CBLL1: variants seen among roughly 807,000 people sequenced by gnomAD.
CBLL1 encodes the protein Cbl proto-oncogene like 1, also known as E3 ubiquitin-protein ligase Hakai.
In CBLL1, 4 loss-of-function variants were observed where a neutral mutation model predicts 44.9. That is an observed-to-expected ratio of 0.09 (90% CI 0.04 to 0.20). The LOEUF is 0.20. Ranked by LOEUF, CBLL1 falls within the 10% of genes least tolerant of loss-of-function variation. The probability of loss-of-function intolerance (pLI) is 1.00; values close to 1 mark genes in which losing one functional copy is unlikely to be tolerated. For missense variants in CBLL1, 569 were observed against 636.7 expected (o/e 0.89, Z 1.14); for synonymous variants, 235 against 202.2 (o/e 1.16, Z -1.38).
chr7:107,751,625 T>C (rs1449898398), intron 2 of CBLL1, among the ~76,000 whole-genome samples: 3 of 152,220 alleles, frequency 2.0e-5, no homozygotes, highest in African/African-American at 4.8e-5. Context: ...TTAGGGTCAC[T>C]CCTGCTTTGG....
chr7:107,757,307 T>TA (rs1489776952), intron 5 of CBLL1, among the ~76,000 whole-genome samples: 1 of 152,224 alleles, frequency 6.6e-6, no homozygotes, highest in Non-Finnish European at 1.5e-5. Context: ...AGTAGGTAGA[T>TA]ACTTTAACCT....
At chr7:107,754,516 GA>G (rs201099123) in intron 4 of CBLL1, among the ~76,000 whole-genome samples, 12 of 148,840 alleles carry the variant, frequency 8.1e-5, no homozygotes, top group South Asian at 4.2e-4. Context: ...TTTGCCTTTA[GA>G]AAAAAAAAAT....
At chr7:107,756,589 A>C (rs1314515903) in intron 5 of CBLL1, among the ~76,000 whole-genome samples, 2 of 152,170 alleles carry the variant, frequency 1.3e-5, no homozygotes, top group Non-Finnish European at 2.9e-5. Flanking sequence ...GTTACATAGT[A>C]AATTTAATTG....
chr7:107,744,143 C>T lies in CBLL1; in HGVS notation c.-21C>T, dbSNP rs1463706331. 7.1e-6 allele frequency: 11 copies of T among 1,552,254 alleles called. No individual in the cohort carries two copies. Among genetic ancestry groups the T allele is most frequent in the Non-Finnish European group, 8.7e-6 (10 of 1,147,718 alleles). ...CCGGCGCGGTTGACTTCCGCTCCCACTGTGCTCTGCGAGCCGAATCATGGA... is the reference window on the plus strand; with the variant it reads ...CCGGCGCGGTTGACTTCCGCTCCCATTGTGCTCTGCGAGCCGAATCATGGA... On this transcript the variant is annotated 5_prime_UTR_variant, in exon 1 of 6. Transcript: ENST00000440859.
At chr7:107,753,284 C>A (rs1793385894) in intron 2 of CBLL1, 127 bp from the exon 3 acceptor site, 2 of 594,168 alleles carry the variant, frequency 3.4e-6, no homozygotes, top group Non-Finnish European at 6.0e-6. Context: ...TTGTCTTATT[C>A]TTAGAAAAGC....
At chr7:107,749,531 C>A (rs999392238) in intron 2 of CBLL1, among the ~76,000 whole-genome samples, 2 of 151,158 alleles carry the variant, frequency 1.3e-5, no homozygotes, top group African/African-American at 2.4e-5. Context: ...AAAAACATTG[C>A]ACCAAATATT....
chr7:107,757,658 T>C (rs1225350395), intron 5 of CBLL1, among the ~76,000 whole-genome samples: 1 of 152,206 alleles, frequency 6.6e-6, no homozygotes, highest in Middle Eastern at 3.2e-3. Flanking sequence ...AGAACCCTAA[T>C]GATGAGGCTG....
In CBLL1 at chr7:107,751,217, C is replaced by G. The variant is rs143273286; in HGVS notation, c.181+2170C>G. 9.4e-4 allele frequency among the ~76,000 whole-genome samples: 143 copies of G among 152,230 alleles called. 1 individual carries two copies. Among genetic ancestry groups the G allele is most frequent in the African/African-American group, 3.0e-3 (125 of 41,544 alleles). On this transcript the variant is annotated intron_variant, in intron 2 of 5. Transcript: ENST00000440859. ...AAGGAGCACCAACCTAGATCCCTCTCTTGCACGGTTCACAATAGGGTTTGC... is the reference window on the plus strand; with the variant it reads ...AAGGAGCACCAACCTAGATCCCTCTGTTGCACGGTTCACAATAGGGTTTGC...
Position 107,758,883 on chromosome 7 carries a change from A to G in CBLL1, c.1181A>G (p.Gln394Arg). Residue 394 changes from glutamine to arginine, a missense_variant, in exon 6 of 6, where the codon CAG (glutamine) becomes CGG (arginine). Gln to Arg is a conservative substitution (Grantham distance 43). Coordinates refer to ENST00000440859, the MANE Select transcript of CBLL1 (RefSeq NM_024814.4). The surrounding 1 kb of genome is among the most constrained non-coding windows in gnomAD (Gnocchi z 4.2). ...CCTCCCCCTGGACATATTATTGCCCAGATGCCACCTTATATGAATCATCCT... is the reference window on the plus strand; with the variant it reads ...CCTCCCCCTGGACATATTATTGCCCGGATGCCACCTTATATGAATCATCCT... ...ITPPPGHIIA[Q>R]MPPYMNHPPP... 1 of 1,613,938 alleles carries G rather than the reference A, an allele frequency of 6.2e-7. No homozygotes were observed. Among genetic ancestry groups the G allele is most frequent in the Admixed American group, 1.7e-5 (1 of 59,998 alleles).
At position 107,759,091 on chromosome 7, in the gene CBLL1, T is replaced by C; in HGVS notation, c.1389T>C (p.Pro463=). 6.2e-7 allele frequency: 1 copy of C among 1,614,030 alleles called. No individual in the cohort carries two copies. The highest frequency in any genetic ancestry group is 8.5e-7 in the Non-Finnish European group (1 of 1,180,004). The part of the protein sequence containing the change: ...IWPAPRGPPP[P]PRLQGPPSQT... ...CTGCACCAAGAGGGCCACCACCACC[T>C]CCACGATTGCAGGGTCCGCCTTCTC... is the stretch of plus-strand genomic sequence containing the variant. The change falls in exon 6 of 6, where the codon CCT becomes CCC. Residue 463 remains proline, a synonymous_variant. Coordinates refer to ENST00000440859, the MANE Select transcript of CBLL1 (RefSeq NM_024814.4).
Position 107,761,444 on chromosome 7 carries a change from T to C in CBLL1, c.*2266T>C, listed in dbSNP as rs980713525. 6.6e-6 allele frequency: 1 copy of C among 152,164 alleles called. No homozygotes were observed. 9.4% of individuals were successfully genotyped at this position (152,164 alleles called of 1,614,324 possible). ...ATCGTGTTAGACTTGAATTCATCAA[T>C]TGTTTGAATGAGGGTGGGTGGGTAG... is the stretch of plus-strand genomic sequence containing the variant. On this transcript the variant is annotated 3_prime_UTR_variant, in exon 6 of 6. Coordinates refer to ENST00000440859, the MANE Select transcript of CBLL1 (RefSeq NM_024814.4).
At chr7:107,752,570 A>G (rs1413293471) in intron 2 of CBLL1, 1 of 1,289,628 alleles carries the variant, frequency 7.8e-7, no homozygotes, top group Non-Finnish European at 1.0e-6. Context: ...AGTCGTGAGA[A>G]GCCTGGCTCC....
intron 5 of CBLL1, among the ~76,000 whole-genome samples, chr7:107,756,193 T>G (rs1793519929): frequency 6.6e-6 from 1 of 152,178 alleles, no homozygotes; most frequent in African/African-American, 2.4e-5. Flanking sequence ...TAAGAAAGAA[T>G]GAAAGATACT....
In CBLL1 at chr7:107,748,884, T is replaced by C; in HGVS notation, c.18T>C (p.Asn6=). The part of the protein sequence containing the change: MDHTD[N]ELQGTNSSGS... Reference sequence around the variant, plus strand: ...AACTTTTTTTTCCTAACACAGACAATGAGTTACAAGGCACTAATAGTTCTG... The same window carrying C: ...AACTTTTTTTTCCTAACACAGACAACGAGTTACAAGGCACTAATAGTTCTG... The change falls in exon 2 of 6, where the codon AAT becomes AAC. Residue 6 remains asparagine, a synonymous_variant. Coordinates refer to ENST00000440859, the MANE Select transcript of CBLL1 (RefSeq NM_024814.4). The C allele has an allele frequency of 6.3e-7, 1 of 1,585,476 alleles. No homozygotes were observed. The highest frequency in any genetic ancestry group is 8.6e-7 in the Non-Finnish European group (1 of 1,169,060).
Position 107,758,343 on chromosome 7 carries a change from C to G in CBLL1, c.641C>G (p.Thr214Ser). Reference protein sequence around the residue: ...NVHPPIAPPPTEIPERFIMPP... With the variant: ...NVHPPIAPPPSEIPERFIMPP... ...CATCCTCCTATTGCCCCACCACCAA[C>G]TGAAATCCCTGAGCGTTTTATAATG... The change falls in exon 6 of 6, where the codon ACT becomes AGT. Residue 214 changes from threonine (T) to serine (S), a missense_variant. By Grantham distance (58) the Thr-to-Ser change is moderately conservative. Coordinates refer to ENST00000440859, the MANE Select transcript of CBLL1 (RefSeq NM_024814.4). The surrounding 1 kb of genome is among the most constrained non-coding windows in gnomAD (Gnocchi z 4.2). 1 of 1,614,128 alleles carries G rather than the reference C, an allele frequency of 6.2e-7. No homozygotes were observed. Among genetic ancestry groups the G allele is most frequent in the Non-Finnish European group, 8.5e-7 (1 of 1,180,010 alleles).
intron 5 of CBLL1, among the ~76,000 whole-genome samples, chr7:107,757,205 C>T (rs1245002392): frequency 6.6e-6 from 1 of 152,078 alleles, no homozygotes; most frequent in African/African-American, 2.4e-5. Flanking sequence ...ATATATAGTG[C>T]TTAATTGGGG....
chr7:107,750,425 C>G (rs1299719621), intron 2 of CBLL1, among the ~76,000 whole-genome samples: 3 of 151,560 alleles, frequency 2.0e-5, no homozygotes, highest in Non-Finnish European at 4.4e-5. Flanking sequence ...CCTGCCTCAG[C>G]CTCCCGAGTA....
chr7:107,747,023 G>A (rs923581410), intron 1 of CBLL1, among the ~76,000 whole-genome samples: 2 of 152,156 alleles, frequency 1.3e-5, no homozygotes, highest in Admixed American at 1.3e-4. Flanking sequence ...CACTTTCTAT[G>A]TAATATCTAA....
At chr7:107,752,553 C>T in intron 2 of CBLL1, 1 of 1,289,182 alleles carries the variant, frequency 7.8e-7, no homozygotes. Flanking sequence ...AGTTCTAGGG[C>T]CAAAAGAGTC....
Sources: allele counts gnomAD v4.1 joint callset (sites outside exome capture counted in the v4.1 genomes callset), GRCh38; gene constraint gnomAD v4.1.1; non-coding constraint Gnocchi (gnomAD v3.1); transcripts MANE v1.5; gene names NCBI Gene and HGNC (gene_info 2026-07-23, HGNC 2026-07-21).